Variants in TENM3 observed in about 807,000 individuals in gnomAD.
TENM3 encodes the protein teneurin transmembrane protein 3, also known as teneurin-3.
A neutral mutation model predicts 255.1 loss-of-function variants in TENM3; 63 were observed. The ratio of observed to expected loss-of-function variants is 0.25; its 90% CI spans 0.20 to 0.30. The LOEUF is 0.30. Ranked by LOEUF, TENM3 falls within the 10% of genes least tolerant of loss-of-function variation. TENM3 has a pLI of 1.00. For missense variants in TENM3, 2,929 were observed against 3,461.1 expected (o/e 0.85, Z 3.86); for synonymous variants, 1,306 against 1,322.3 (o/e 0.99, Z 0.27).
At chr4:181,771,154 C>A in the TENM3 span, among the ~76,000 whole-genome samples, 1 of 152,102 alleles carries the variant, frequency 6.6e-6, no homozygotes, top group Non-Finnish European at 1.5e-5. Context: ...GATTTCATGG[C>A]CACAATATGC....
At chr4:181,830,462 G>A in the TENM3 span, among the ~76,000 whole-genome samples, 1 of 151,878 alleles carries the variant, frequency 6.6e-6, no homozygotes, top group Admixed American at 6.6e-5. Flanking sequence ...TAGTAGAGAT[G>A]GGGTTTCACC....
At chr4:181,875,168 CAA>C in the TENM3 span, among the ~76,000 whole-genome samples, 1 of 152,116 alleles carries the variant, frequency 6.6e-6, no homozygotes, top group Non-Finnish European at 1.5e-5. Flanking sequence ...AAATACCCAC[CAA>C]TCTCTCATAA....
In TENM3 at chr4:182,800,190, G is replaced by A. The variant is rs959431800; in HGVS notation, c.7939G>A (p.Ala2647Thr). The change falls in exon 28 of 28, where the codon GCG becomes ACG. Residue 2647 changes from alanine to threonine, a missense_variant. Ala to Thr is a moderately conservative substitution (Grantham distance 58). Transcript: ENST00000511685. ...GCGCGTGCGCGACGGCGAGGAGGGC[G>A]CGCGCCTCTGGACGGAGGGCGAGAA... ...QQRVRDGEEG[A>T]RLWTEGEKRQ... The A allele has an allele frequency of 6.4e-6, 10 of 1,566,158 alleles. No individual in the cohort carries two copies. The highest frequency in any genetic ancestry group is 1.4e-5 in the African/African-American group (1 of 72,890).
the TENM3 span, among the ~76,000 whole-genome samples, chr4:181,944,037 G>T: frequency 1.3e-5 from 2 of 152,134 alleles, no homozygotes; most frequent in African/African-American, 4.8e-5. Flanking sequence ...TCTGTCAGTT[G>T]TACAAGTCCT....
intron 3 of TENM3, among the ~76,000 whole-genome samples, chr4:182,350,754 A>G (rs1240600082): frequency 6.6e-6 from 1 of 152,060 alleles, no homozygotes; most frequent in African/African-American, 2.4e-5. Flanking sequence ...GCGTAATCTC[A>G]GCTCACTGCA....
chr4:182,370,286 G>T (rs983316368), intron 3 of TENM3, among the ~76,000 whole-genome samples: 4 of 152,122 alleles, frequency 2.6e-5, no homozygotes, highest in East Asian at 1.9e-4. Flanking sequence ...TTTCCGTTGG[G>T]TCTTGTGTGT....
At chr4:181,519,563 G>C in the TENM3 span, among the ~76,000 whole-genome samples, 243 of 152,240 alleles carry the variant, frequency 1.6e-3, no homozygotes, top group Non-Finnish European at 2.1e-3. Context: ...ATTACTTAAG[G>C]TTTTTTGAGA....
chr4:181,494,294 CT>C, the TENM3 span, among the ~76,000 whole-genome samples: 1 of 151,968 alleles, frequency 6.6e-6, no homozygotes, highest in Non-Finnish European at 1.5e-5. Flanking sequence ...CCGTTGGCTT[CT>C]TTTTTTGAGA....
chr4:182,537,672 C>G (rs1740473838), intron 3 of TENM3, among the ~76,000 whole-genome samples: 1 of 152,186 alleles, frequency 6.6e-6, no homozygotes, highest in Non-Finnish European at 1.5e-5. Context: ...TCTGCATAAT[C>G]TCATTGCCTC....
the TENM3 span, among the ~76,000 whole-genome samples, chr4:182,132,651 ATAAAGTATTTTCTTTG>A: frequency 6.6e-6 from 1 of 152,226 alleles, no homozygotes; most frequent in South Asian, 2.1e-4. Context: ...GACTCAAGCA[ATAAAGTATTTTCTTTG>A]TGGAATTCAC....
chr4:181,605,036 A>G, the TENM3 span, among the ~76,000 whole-genome samples: 1 of 152,222 alleles, frequency 6.6e-6, no homozygotes, highest in Non-Finnish European at 1.5e-5. Flanking sequence ...GTAATCTTAC[A>G]TCCACCATGT....
At chr4:182,743,912 T>C (rs1761793474) in intron 19 of TENM3, among the ~76,000 whole-genome samples, 1 of 152,142 alleles carries the variant, frequency 6.6e-6, no homozygotes, top group African/African-American at 2.4e-5. Flanking sequence ...CATATTGTCT[T>C]TGCTTTGTTC....
intron 2 of TENM3, among the ~76,000 whole-genome samples, chr4:182,342,781 T>C (rs929287037): frequency 2.0e-5 from 3 of 152,308 alleles, no homozygotes; most frequent in Admixed American, 2.0e-4. Flanking sequence ...CGTCATCCTA[T>C]GTACCTCTGA....
At chr4:181,713,534 T>C in the TENM3 span, among the ~76,000 whole-genome samples, 1 of 152,184 alleles carries the variant, frequency 6.6e-6, no homozygotes, top group Non-Finnish European at 1.5e-5. Context: ...CCACCAAAAG[T>C]AAGGCCTCCA....
chr4:181,757,367 T>C, the TENM3 span, among the ~76,000 whole-genome samples: 2 of 152,204 alleles, frequency 1.3e-5, no homozygotes, highest in Non-Finnish European at 2.9e-5. Flanking sequence ...GTCTGTATCA[T>C]ATGCAGACTC....
the TENM3 span, among the ~76,000 whole-genome samples, chr4:182,042,872 C>T: frequency 6.2e-5 from 3 of 48,706 alleles, no homozygotes; most frequent in South Asian, 8.0e-4. Context: ...AACAAGTTAT[C>T]GTGTGTGCGT....
rs538586245 is a variant in TENM3 at position 182,327,051 on chromosome 4, G to A, written c.232+2799G>A. On this transcript the variant is annotated intron_variant, in intron 2 of 27. Coordinates refer to ENST00000511685, the MANE Select transcript of TENM3 (RefSeq NM_001080477.4). ...GGAGTGGTAGGTGTAGGAGAGAAAC[G>A]AGTAAGGAAAGTCTGCTATCAGATT... Among the ~76,000 whole-genome samples, 40 of 152,240 alleles carry A rather than the reference G, an allele frequency of 2.6e-4. 1 individual carries two copies. In the South Asian group the frequency reaches 7.7e-3, roughly 29 times the overall value.
At chr4:182,403,091 T>G (rs1481578016) in intron 3 of TENM3, among the ~76,000 whole-genome samples, 4 of 152,226 alleles carry the variant, frequency 2.6e-5, no homozygotes, top group Admixed American at 1.3e-4. Context: ...CGAAACCATG[T>G]AATCCGACCA....
the TENM3 span, among the ~76,000 whole-genome samples, chr4:181,585,326 T>C: frequency 1.8e-3 from 270 of 152,328 alleles, no homozygotes; most frequent in African/African-American, 6.0e-3. Flanking sequence ...GTCTGCGTTA[T>C]CTCTTACGTG....
Sources: allele counts gnomAD v4.1 joint callset (sites outside exome capture counted in the v4.1 genomes callset), GRCh38; gene constraint gnomAD v4.1.1; transcripts MANE v1.5; gene names NCBI Gene and HGNC (gene_info 2026-07-23, HGNC 2026-07-21).